CLIC6: variants seen among roughly 807,000 people sequenced by gnomAD.
The protein encoded by CLIC6 is chloride intracellular channel protein 6.
CLIC6 carries 39 observed loss-of-function variants against 49.2 expected under a neutral mutation model. The observed-to-expected ratio is 0.79, with a 90% CI of 0.61 to 1.04. The LOEUF (loss-of-function observed/expected upper bound fraction) is 1.04, where lower values mean the gene tolerates loss of function less well. Among genes scored for constraint, CLIC6 ranks in the 50% least tolerant of loss-of-function variants. The pLI, the probability that CLIC6 is intolerant of heterozygous loss-of-function variation, is 0.00. For missense variants in CLIC6, 988 were observed against 993.1 expected, an observed-to-expected ratio of 0.99 and a Z score of 0.07; for synonymous variants, 446 against 433.4, an observed-to-expected ratio of 1.03 and a Z score of -0.36.
intron 1 of CLIC6, among the ~76,000 whole-genome samples, chr21:34,689,538 T>G (rs1989949383): frequency 6.6e-6 from 1 of 152,210 alleles, no homozygotes; most frequent in Non-Finnish European, 1.5e-5. Flanking sequence ...CAAGTCCACT[T>G]TCTTATATAG....
At chr21:34,709,267 C>A in intron 4 of CLIC6, 90 bp from the exon 5 acceptor site, 2 of 1,172,166 alleles carry the variant, frequency 1.7e-6, no homozygotes, top group Non-Finnish European at 2.5e-6. Flanking sequence ...CACATCTCAG[C>A]GAGGAAGGGA....
At chr21:34,673,157 C>T (rs1989598302) in intron 1 of CLIC6, among the ~76,000 whole-genome samples, 1 of 152,152 alleles carries the variant, frequency 6.6e-6, no homozygotes, top group Non-Finnish European at 1.5e-5. Context: ...TGTGGCCTAG[C>T]ACCAGCAGCG....
At position 34,716,788 on chromosome 21, in the gene CLIC6, C is replaced by A; in HGVS notation, c.*306C>A. The A allele has an allele frequency of 1.2e-5, 2 of 161,888 alleles. No homozygotes were observed. Among genetic ancestry groups the A allele is most frequent in the Non-Finnish European group, 2.6e-5 (2 of 77,310 alleles). 10.0% of individuals were successfully genotyped at this position (161,888 alleles called of 1,614,324 possible). ...CTTCAATTTTACTCCACTTAATTAC[C>A]GAAAACTTACTGGAGAACATGTTCC... On this transcript the variant is annotated 3_prime_UTR_variant, in exon 6 of 6. Coordinates refer to ENST00000349499, the MANE Select transcript of CLIC6 (RefSeq NM_053277.3).
At chr21:34,692,325 A>G (rs1396360156) in intron 1 of CLIC6, among the ~76,000 whole-genome samples, 4 of 152,216 alleles carry the variant, frequency 2.6e-5, no homozygotes, top group African/African-American at 9.6e-5. Flanking sequence ...GAAGATGACC[A>G]CATATGTAGC....
Position 34,693,908 on chromosome 21 carries a change from C to T in CLIC6, c.1375-13372C>T, listed in dbSNP as rs139268198. Among the ~76,000 whole-genome samples the T allele has an allele frequency of 2.6e-5, 4 of 152,052 alleles. No homozygotes were observed. In the East Asian group the frequency reaches 5.8e-4, roughly 22 times the overall value. ...GATTGGATCATGGAGAGAACTCCCC[C>T]CTTGCTGTTCTCTTCATAATGAGTT... On this transcript the variant is annotated intron_variant, in intron 1 of 5. Coordinates refer to ENST00000349499, the MANE Select transcript of CLIC6 (RefSeq NM_053277.3).
intron 1 of CLIC6, among the ~76,000 whole-genome samples, chr21:34,682,267 C>T (rs1989792021): frequency 6.6e-6 from 1 of 152,164 alleles, no homozygotes; most frequent in Admixed American, 6.5e-5. Flanking sequence ...ATGTAATGCT[C>T]CTCTGACACT....
chr21:34,701,511 G>A (rs1351287169), intron 1 of CLIC6, among the ~76,000 whole-genome samples: 2 of 152,008 alleles, frequency 1.3e-5, no homozygotes, highest in South Asian at 4.2e-4. Context: ...GGGTGCCCAG[G>A]GATTCCAGTG....
chr21:34,670,695 G>A lies in CLIC6; in HGVS notation c.1307G>A (p.Arg436Gln), dbSNP rs61731615. ...GAGGCCGCGCGCGTGAACGGCCGCC[G>A]GGAGGACGGAGAGGCGTCCGAGCCC... The part of the protein sequence containing the change: ...SGEAARVNGR[R>Q]EDGEASEPRA... The change falls in exon 1 of 6, where the codon CGG becomes CAG. Residue 436 changes from arginine (R) to glutamine (Q), a missense_variant. Physicochemically the swap from Arg to Gln is conservative, Grantham distance 43. Coordinates refer to ENST00000349499, the MANE Select transcript of CLIC6 (RefSeq NM_053277.3). The A allele has an allele frequency of 3.8e-6, 6 of 1,586,440 alleles. No homozygotes were observed. Among genetic ancestry groups the A allele is most frequent in the Non-Finnish European group, 5.1e-6 (6 of 1,170,350 alleles).
chr21:34,705,825 G>A (rs1158713728), intron 1 of CLIC6, among the ~76,000 whole-genome samples: 4 of 152,124 alleles, frequency 2.6e-5, no homozygotes. Flanking sequence ...CAATAATGCT[G>A]GTAGCATCAG....
intron 5 of CLIC6, among the ~76,000 whole-genome samples, chr21:34,712,794 G>A (rs764539411): frequency 1.3e-5 from 2 of 152,324 alleles, no homozygotes; most frequent in African/African-American, 4.8e-5. Flanking sequence ...CCCAAACTTC[G>A]TTTCTAGCCA....
intron 1 of CLIC6, among the ~76,000 whole-genome samples, chr21:34,676,200 G>C (rs547767203): frequency 6.6e-6 from 1 of 152,306 alleles, no homozygotes; most frequent in East Asian, 1.9e-4. Flanking sequence ...GGGTCCTTTA[G>C]TCATGTGAAT....
chr21:34,694,580 T>C (rs1043967807), intron 1 of CLIC6, among the ~76,000 whole-genome samples: 14 of 152,136 alleles, frequency 9.2e-5, no homozygotes, highest in African/African-American at 3.1e-4. Flanking sequence ...TCTTCCTCCT[T>C]CTCCAGCCAT....
chr21:34,670,445 G>A lies in CLIC6; in HGVS notation c.1057G>A (p.Asp353Asn), dbSNP rs1163464021. ...EEAAPGDARA[D>N]AGEDRVGDGP... ...AGCGGCCCCCGGGGACGCAAGGGCA[G>A]ACGCTGGCGAGGACAGGGTAGGGGA... Residue 353 changes from aspartate to asparagine, a missense_variant, in exon 1 of 6, where the codon GAC (aspartate) becomes AAC (asparagine). Around this residue, in one of 3 missense-constraint regions of CLIC6, gnomAD observed 647 missense variants for 596.9 expected, o/e 1.08. Transcript: ENST00000349499. 3.4e-6 allele frequency: 5 copies of A among 1,470,032 alleles called. No homozygotes were observed. In the East Asian group the frequency reaches 1.3e-4, roughly 38 times the overall value. The allele number at this position is 1,470,032 out of a possible 1,614,324, so 91.1% of individuals were successfully genotyped here. A position where few individuals can be genotyped will look rare whatever the true frequency, so the allele number is the denominator to read the frequency against.
intron 1 of CLIC6, among the ~76,000 whole-genome samples, chr21:34,702,263 A>G (rs1990204025): frequency 6.6e-6 from 1 of 152,068 alleles, no homozygotes; most frequent in Non-Finnish European, 1.5e-5. Context: ...GGAAGACCCA[A>G]TAGGGCTGAA....
At chr21:34,707,494 G>A (rs2056023719) in intron 2 of CLIC6, 105 bp downstream of exon 2, 1 of 755,702 alleles carries the variant, frequency 1.3e-6, no homozygotes, top group Non-Finnish European at 2.2e-6. Flanking sequence ...TGCTGCATGG[G>A]CACGTCCATC....
chr21:34,716,394 C>G lies in CLIC6; in HGVS notation c.1973C>G (p.Ala658Gly). Residue 658 changes from alanine (A) to glycine (G), a missense_variant, in exon 6 of 6, where the codon GCT becomes GGT. Ala to Gly is a moderately conservative substitution (Grantham distance 60). Around this residue, in one of 3 missense-constraint regions of CLIC6, gnomAD observed 647 missense variants for 596.9 expected, o/e 1.08. Coordinates refer to ENST00000349499, the MANE Select transcript of CLIC6 (RefSeq NM_053277.3). ...MTGIWRYLNNAYARDEFTNTC... is the reference protein window; with the variant it reads ...MTGIWRYLNNGYARDEFTNTC... Reference sequence around the variant, plus strand: ...GGCATCTGGAGATACTTGAATAATGCTTATGCTAGAGATGAGTTCACAAAT... The same window carrying G: ...GGCATCTGGAGATACTTGAATAATGGTTATGCTAGAGATGAGTTCACAAAT... 1 of 1,613,518 alleles carries G rather than the reference C, an allele frequency of 6.2e-7. No homozygotes were observed. Among genetic ancestry groups the G allele is most frequent in the Non-Finnish European group, 8.5e-7 (1 of 1,179,504 alleles).
At chr21:34,707,859 A>T in intron 2 of CLIC6, 85 bp from the exon 3 acceptor site, 1 of 1,468,122 alleles carries the variant, frequency 6.8e-7, no homozygotes, top group Non-Finnish European at 9.4e-7. Flanking sequence ...TGCTTCTCTT[A>T]AACTGGTGAG....
At chr21:34,695,985 G>A (rs1006642065) in intron 1 of CLIC6, among the ~76,000 whole-genome samples, 4 of 152,210 alleles carry the variant, frequency 2.6e-5, no homozygotes, top group African/African-American at 9.6e-5. Context: ...CCTGGTTTCT[G>A]CATGTGGATG....
intron 1 of CLIC6, among the ~76,000 whole-genome samples, chr21:34,698,895 G>A (rs1275364542): frequency 1.3e-5 from 2 of 152,134 alleles, no homozygotes; most frequent in East Asian, 3.8e-4. Flanking sequence ...TCTGAGACCC[G>A]GCAAGAGTGG....
Sources: gnomAD v4.1 joint callset for allele counts (sites outside exome capture counted in the v4.1 genomes callset) on GRCh38, gnomAD v4.1.1 for gene constraint, gnomAD v4.1.1 regional missense constraint, MANE v1.5 for transcripts, NCBI Gene and HGNC (gene_info 2026-07-23, HGNC 2026-07-21) for gene names.